USP54: variants seen among roughly 807,000 people sequenced by gnomAD.
USP54 encodes the protein ubiquitin specific peptidase 54.
A neutral mutation model predicts 170.5 loss-of-function variants in USP54; 87 were observed. The observed-to-expected ratio is 0.51, with a 90% CI of 0.43 to 0.61. The LOEUF (loss-of-function observed/expected upper bound fraction) is 0.61. Ranked by LOEUF, USP54 falls within the 20% of genes least tolerant of loss-of-function variation. USP54 has a pLI of 0.00. For missense variants in USP54, 1,786 were observed against 2,047.8 expected, an observed-to-expected ratio of 0.87 and a Z score of 2.47; for synonymous variants, 655 against 742.8, an observed-to-expected ratio of 0.88 and a Z score of 1.92.
chr10:73,527,131 T>C lies in USP54; in HGVS notation c.2061-351A>G, dbSNP rs149043775. ...GGATCCTGTGGACAGGGAAGAACAT[T>C]GACAGAGTATGAACATGTGGTTATC... is the stretch of plus-strand genomic sequence containing the variant. On this transcript the variant is annotated intron_variant, in intron 15 of 23. Transcript: ENST00000687698. 6.2e-4 allele frequency among the ~76,000 whole-genome samples: 95 copies of C among 152,280 alleles called. 1 individual carries two copies. The highest frequency in any genetic ancestry group is 2.0e-3 in the African/African-American group (84 of 41,548).
chr10:73,588,030 C>A (rs1177130850), intron 1 of USP54, among the ~76,000 whole-genome samples: 4 of 152,116 alleles, frequency 2.6e-5, no homozygotes, highest in African/African-American at 9.7e-5. Flanking sequence ...GACTGACCAT[C>A]CTCTATATGC....
rs773989109 is a variant in USP54 at position 73,526,676 on chromosome 10, C to T, written c.2165G>A (p.Gly722Asp). ...ILEVDSTASM[G>D]GWTKSQPFSG... ...GAAAGGCTGACTCTTTGTCCAGCCA[C>T]CCATGGATGCTGTGGAGTCTACCTC... The change falls in exon 16 of 24, where the codon GGT becomes GAT. Residue 722 changes from glycine (G) to aspartate (D), a missense_variant. By Grantham distance (94) the Gly-to-Asp change is moderately conservative. Coordinates refer to ENST00000687698, the MANE Select transcript of USP54 (RefSeq NM_001391956.1). The T allele has an allele frequency of 6.2e-7, 1 of 1,614,168 alleles. No individual in the cohort carries two copies. The highest frequency in any genetic ancestry group is 8.5e-7 in the Non-Finnish European group (1 of 1,180,022).
Position 73,618,728 on chromosome 10 carries a change from C to T in USP54, c.-18+6839G>A, listed in dbSNP as rs369209766. ...CTGCACTCCAGCCTGGGTCACAGAGCGAGACTCCATCTCAAAAAAAAAAAA... is the reference window on the plus strand; with the variant it reads ...CTGCACTCCAGCCTGGGTCACAGAGTGAGACTCCATCTCAAAAAAAAAAAA... On this transcript the variant is annotated intron_variant, in intron 1 of 22. Transcript: ENST00000339859. 7.4e-5 allele frequency among the ~76,000 whole-genome samples: 10 copies of T among 134,626 alleles called. No homozygotes were observed. In the East Asian group the frequency reaches 1.7e-3, roughly 22 times the overall value. 88.3% of individuals were successfully genotyped at this position (134,626 alleles called of 152,430 possible).
chr10:73,603,826 C>T (rs117367614), intron 1 of USP54, among the ~76,000 whole-genome samples: 2,605 of 151,768 alleles, frequency 0.017, 29 homozygotes, highest in Non-Finnish European at 0.03. Context: ...CTTGAACAGA[C>T]ATTTCTCCAA....
chr10:73,506,956 T>C (rs1005079192), intron 20 of USP54: 2 of 152,180 alleles, frequency 1.3e-5, no homozygotes, highest in Non-Finnish European at 2.9e-5. Flanking sequence ...ACATAATTTA[T>C]AGTAGCCAAG....
intron 1 of USP54, among the ~76,000 whole-genome samples, chr10:73,614,834 G>C (rs1454419066): frequency 1.3e-5 from 2 of 150,250 alleles, no homozygotes; most frequent in African/African-American, 5.0e-5. Flanking sequence ...GGGATGGAGA[G>C]AGCCTACTTA....
intron 20 of USP54, among the ~76,000 whole-genome samples, chr10:73,514,621 G>A (rs1158785985): frequency 6.6e-6 from 1 of 151,936 alleles, no homozygotes; most frequent in Non-Finnish European, 1.5e-5. Context: ...GCTCACTGAG[G>A]CAGACTCCAG....
chr10:73,536,246 A>G, intron 11 of USP54, 23 bp downstream of exon 11: 1 of 1,612,908 alleles, frequency 6.2e-7, no homozygotes, highest in Non-Finnish European at 8.5e-7. Context: ...GAGAGAGGAG[A>G]GGTAAAGAGC....
rs2133341186 is a variant in USP54, at chr10:73,523,767, G to A, written c.2195-17C>T. 4 of 1,599,648 alleles carry A rather than the reference G, an allele frequency of 2.5e-6. No individual in the cohort carries two copies. The highest frequency in any genetic ancestry group is 2.7e-5 in the African/African-American group (2 of 74,842). On this transcript the variant is annotated splice_polypyrimidine_tract_variant and intron_variant, in intron 16 of 23. Transcript: ENST00000687698. Reference sequence around the variant, plus strand: ...TCTCCTCACCTGTAATATAAGCAAGGGAGAAGTCACCACATTTCCATTACC... The same window carrying A: ...TCTCCTCACCTGTAATATAAGCAAGAGAGAAGTCACCACATTTCCATTACC...
At chr10:73,586,236 T>C (rs376510074) in intron 1 of USP54, among the ~76,000 whole-genome samples, 1 of 152,172 alleles carries the variant, frequency 6.6e-6, no homozygotes, top group Non-Finnish European at 1.5e-5. Flanking sequence ...TCCTTTACTT[T>C]CTCATTGTCT....
At chr10:73,579,631 T>G (rs2076607800) in intron 1 of USP54, among the ~76,000 whole-genome samples, 1 of 151,804 alleles carries the variant, frequency 6.6e-6, no homozygotes, top group Non-Finnish European at 1.5e-5. Context: ...GTGGCAGACA[T>G]CTGTAATCTC....
rs768316584 is a variant in USP54, at chr10:73,541,644, G to A, written c.667C>T (p.Arg223Trp). Residue 223 changes from arginine (R) to tryptophan (W), a missense_variant, in exon 8 of 24, where the codon CGG becomes TGG. Physicochemically the swap from Arg to Trp is moderately radical, Grantham distance 101. Coordinates refer to ENST00000687698, the MANE Select transcript of USP54 (RefSeq NM_001391956.1). ...LQNASTMGDL[R>W]NCPSNCGERI... ...CTGATTTAACTCACTGGACAGTTCC[G>A]CAGATCCCCCATGGTGCTGGCATTC... 11 of 1,613,972 alleles carry A rather than the reference G, an allele frequency of 6.8e-6. No individual in the cohort carries two copies. The highest frequency in any genetic ancestry group is 1.1e-5 in the South Asian group (1 of 91,066).
rs2063925525 is a variant in USP54 at position 73,531,293 on chromosome 10, A to T, written c.1316-458T>A. Among the ~76,000 whole-genome samples, 3 of 151,982 alleles carry T rather than the reference A, an allele frequency of 2.0e-5. No homozygotes were observed. In the South Asian group the frequency reaches 6.2e-4, roughly 32 times the overall value. On this transcript the variant is annotated intron_variant, in intron 12 of 23. Transcript: ENST00000687698. The stretch of plus-strand genomic sequence containing the variant: ...ACGACAGAGCAAGACTGTCTCAAAA[A>T]AAAAAAAAAAAGATAAATGCAGAGA...
At chr10:73,618,741 CA>C (rs1320519590) in intron 1 of USP54, among the ~76,000 whole-genome samples, 721 of 58,500 alleles carry the variant, frequency 0.012, 4 homozygotes, top group African/African-American at 0.016. Context: ...GACTCCATCT[CA>C]AAAAAAAAAA....
At chr10:73,594,352 T>C (rs148472960), upstream of USP54, among the ~76,000 whole-genome samples, 5,067 of 152,158 alleles carry the variant, frequency 0.033, 216 homozygotes, top group East Asian at 0.22. Context: ...ATTACAGGTG[T>C]GAGCCACTGT....
At chr10:73,597,488 C>T (rs2078824216) in intron 1 of USP54, among the ~76,000 whole-genome samples, 1 of 152,094 alleles carries the variant, frequency 6.6e-6, no homozygotes, top group Admixed American at 6.6e-5. Flanking sequence ...TCTTGTGGTC[C>T]TACCCAGGAA....
In USP54 at chr10:73,615,374, AAAC is replaced by A. The variant is rs1455675113; in HGVS notation, c.-18+10190_-18+10192del. Among the ~76,000 whole-genome samples the A allele has an allele frequency of 1.3e-5, 2 of 150,430 alleles. 1 individual carries two copies. Among genetic ancestry groups the A allele is most frequent in the African/African-American group, 5.0e-5 (2 of 39,794 alleles). On this transcript the variant is annotated intron_variant, in intron 1 of 22. Coordinates refer to the USP54 transcript ENST00000339859. ...ACTCTTGTCTCAAAAACAAAAACAA[AAAC>A]AAAAATAGAAAGAATGAGTAAGAGG...
At chr10:73,573,853 A>T (rs1326613749) in intron 3 of USP54, among the ~76,000 whole-genome samples, 1 of 152,190 alleles carries the variant, frequency 6.6e-6, no homozygotes, top group Non-Finnish European at 1.5e-5. Flanking sequence ...GAATGAGGAA[A>T]CTCAGACACT....
intron 22 of USP54, among the ~76,000 whole-genome samples, chr10:73,502,942 A>C (rs779412892): frequency 2.5e-4 from 38 of 152,202 alleles, no homozygotes; most frequent in Non-Finnish European, 4.3e-4. Flanking sequence ...CTACCCATAA[A>C]ACTTGAGTAT....
Sources: gnomAD v4.1 joint callset for allele counts (sites outside exome capture counted in the v4.1 genomes callset) on GRCh38, gnomAD v4.1.1 for gene constraint, MANE v1.5 for transcripts, NCBI Gene and HGNC (gene_info 2026-07-23, HGNC 2026-07-21) for gene names.